AVEN: variants seen among roughly 807,000 people sequenced by gnomAD.
AVEN encodes cell death regulator Aven.
AVEN carries 41 observed loss-of-function variants against 38.1 expected under a neutral mutation model. The observed-to-expected ratio is 1.08, with a 90% CI of 0.84 to 1.40. The LOEUF is 1.40. Among genes scored for constraint, AVEN ranks in the 40% most tolerant of loss-of-function variants. AVEN has a pLI of 0.00. For synonymous variants in AVEN, 206 were observed against 171.8 expected (o/e 1.20, Z -1.56); for missense variants, 605 against 438.8 (o/e 1.38, Z -3.38).
rs557024978 is a variant in AVEN at position 34,014,383 on chromosome 15, AAC to A, written c.268-11176_268-11175del. Among the ~76,000 whole-genome samples the A allele has an allele frequency of 1.3e-4, 4 of 30,822 alleles. 1 individual carries two copies. The highest frequency in any genetic ancestry group is 6.0e-4 in the East Asian group (1 of 1,672). The allele number at this position is 30,822 out of a possible 152,430, so 20.2% of individuals were successfully genotyped here. A position where few individuals can be genotyped will look rare whatever the true frequency, so the allele number is the denominator to read the frequency against. On this transcript the variant is annotated intron_variant, in intron 1 of 5. Coordinates refer to ENST00000306730, the MANE Select transcript of AVEN (RefSeq NM_020371.3). ...CCATCTCATTAAAAAAAAAAAAAAA[AAC>A]AAAAACAAAAACCACGTTTGAGGAT...
At chr15:34,059,091 T>G (rs1390434841) in intron 5 of AVEN, among the ~76,000 whole-genome samples, 1 of 149,414 alleles carries the variant, frequency 6.7e-6, no homozygotes, top group Non-Finnish European at 1.5e-5. Flanking sequence ...GAGACAGGGT[T>G]TCATCATGTT....
At chr15:33,896,417 C>T (rs1892234760) in intron 2 of AVEN, among the ~76,000 whole-genome samples, 1 of 152,224 alleles carries the variant, frequency 6.6e-6, no homozygotes, top group African/African-American at 2.4e-5. Context: ...TATACTTCAA[C>T]TGTACTGAAT....
intron 2 of AVEN, among the ~76,000 whole-genome samples, chr15:33,900,196 A>C (rs954653989): frequency 1.3e-5 from 2 of 152,134 alleles, no homozygotes; most frequent in Non-Finnish European, 2.9e-5. Flanking sequence ...ACCCTTCAGA[A>C]TCTAGAAGGT....
downstream of AVEN, chr15:33,865,239 G>GAAGC (rs758338921): frequency 2.4e-5 from 39 of 1,595,328 alleles, no homozygotes; most frequent in Non-Finnish European, 3.4e-5. Context: ...CTGAATCAAA[G>GAAGC]AAGCGCGACA....
chr15:34,014,379 A>AAC (rs1897779075), intron 1 of AVEN, among the ~76,000 whole-genome samples: 1 of 119,310 alleles, frequency 8.4e-6, no homozygotes, highest in Non-Finnish European at 1.8e-5. Context: ...AAAAAAAAAA[A>AAC]AAAAACAAAA....
At chr15:33,923,494 G>A (rs1439110213) in intron 2 of AVEN, among the ~76,000 whole-genome samples, 1 of 152,182 alleles carries the variant, frequency 6.6e-6, no homozygotes, top group East Asian at 1.9e-4. Flanking sequence ...TCAGTAAATA[G>A]TTAAATAGTA....
chr15:33,875,405 T>G (rs1029261413), intron 3 of AVEN, among the ~76,000 whole-genome samples: 1 of 152,160 alleles, frequency 6.6e-6, no homozygotes, highest in African/African-American at 2.4e-5. Context: ...AAGAAAATAT[T>G]ACATACACAC....
intron 2 of AVEN, among the ~76,000 whole-genome samples, chr15:33,879,117 G>T (rs34672471): frequency 0.012 from 1,836 of 151,916 alleles, 25 homozygotes; most frequent in Non-Finnish European, 0.017. Flanking sequence ...GTTTACTGCG[G>T]CACTATTCAC....
chr15:34,051,406 A>G (rs923468298), intron 5 of AVEN, among the ~76,000 whole-genome samples: 5 of 152,238 alleles, frequency 3.3e-5, no homozygotes, highest in African/African-American at 4.8e-5. Flanking sequence ...TCTCAAGTTA[A>G]AAACCTAACA....
intron 2 of AVEN, among the ~76,000 whole-genome samples, chr15:33,899,031 G>A (rs1892365894): frequency 6.6e-6 from 1 of 152,184 alleles, no homozygotes; most frequent in Non-Finnish European, 1.5e-5. Context: ...AGTCCAATTT[G>A]ATAAAAGCAT....
chr15:33,999,681 C>A (rs117304876), intron 2 of AVEN, among the ~76,000 whole-genome samples: 224 of 152,290 alleles, frequency 1.5e-3, no homozygotes, highest in Non-Finnish European at 2.8e-3. Flanking sequence ...CTCCACTGCT[C>A]TCCTCTGGAC....
Position 34,015,382 on chromosome 15 carries a change from T to C in AVEN, c.268-12173A>G, listed in dbSNP as rs548141307. Reference sequence around the variant, plus strand: ...CCTGTAGTCCAGCTACTCGGGAGGCTGAGGCAGGAGAATAGCGTGAACCCG... The same window carrying C: ...CCTGTAGTCCAGCTACTCGGGAGGCCGAGGCAGGAGAATAGCGTGAACCCG... On this transcript the variant is annotated intron_variant, in intron 1 of 5. Coordinates refer to ENST00000306730, the MANE Select transcript of AVEN (RefSeq NM_020371.3). Among the ~76,000 whole-genome samples the C allele has an allele frequency of 2.6e-5, 4 of 151,972 alleles. No homozygotes were observed. The South Asian group carries it at 6.3e-4, about 24-fold the overall frequency.
At chr15:33,971,207 G>C (rs1044286123) in intron 2 of AVEN, among the ~76,000 whole-genome samples, 1 of 152,030 alleles carries the variant, frequency 6.6e-6, no homozygotes, top group Non-Finnish European at 1.5e-5. Flanking sequence ...AACAATTAAA[G>C]AGATTCTGAA....
intron 5 of AVEN, among the ~76,000 whole-genome samples, chr15:34,057,995 G>A (rs750819791): frequency 6.6e-6 from 1 of 152,166 alleles, no homozygotes; most frequent in Non-Finnish European, 1.5e-5. Flanking sequence ...TCACATGATT[G>A]TAGGGGCTAG....
At chr15:34,065,431 T>A (rs1900484573) in intron 4 of AVEN, 1 of 152,178 alleles carries the variant, frequency 6.6e-6, no homozygotes, top group South Asian at 2.1e-4. Flanking sequence ...AGGTCAGCTG[T>A]GCTGCCTCCA....
At chr15:34,054,032 A>C (rs1471521675) in intron 5 of AVEN, among the ~76,000 whole-genome samples, 1 of 152,140 alleles carries the variant, frequency 6.6e-6, no homozygotes, top group African/African-American at 2.4e-5. Flanking sequence ...ATGAACAAAC[A>C]CTTCTCAAAA....
chr15:33,992,302 A>C (rs1896758338), intron 2 of AVEN, among the ~76,000 whole-genome samples: 1 of 152,044 alleles, frequency 6.6e-6, no homozygotes. Flanking sequence ...AGGGAGGAGA[A>C]TGGCGTCAGC....
intron 5 of AVEN, among the ~76,000 whole-genome samples, chr15:34,049,307 G>A (rs1050066214): frequency 4.6e-5 from 7 of 152,134 alleles, no homozygotes; most frequent in African/African-American, 1.7e-4. Flanking sequence ...TATGAATCAT[G>A]AGAAAACAAT....
At chr15:33,861,072 T>C (rs1888031474) in intron 11 of AVEN, 1 of 1,573,722 alleles carries the variant, frequency 6.4e-7, no homozygotes, top group South Asian at 1.2e-5. Flanking sequence ...CTGTTATTTT[T>C]CTTAGACTAA....
Sources: gnomAD v4.1 joint callset for allele counts (sites outside exome capture counted in the v4.1 genomes callset) on GRCh38, gnomAD v4.1.1 for gene constraint, MANE v1.5 for transcripts, NCBI Gene and HGNC (gene_info 2026-07-23, HGNC 2026-07-21) for gene names.